The following MACROD2 variants were observed in gnomAD, a reference collection of about 807,000 sequenced individuals.
MACROD2 encodes the protein ADP-ribose glycohydrolase MACROD2.
MACROD2 carries 36 observed loss-of-function variants against 70.4 expected under a neutral mutation model. The ratio of observed to expected loss-of-function variants is 0.51; its 90% confidence interval spans 0.39 to 0.68. The LOEUF is 0.68. MACROD2 is among the 30% of genes least tolerant of loss of function. The pLI is 0.00. For missense variants in MACROD2, 496 were observed against 538.4 expected, an observed-to-expected ratio of 0.92 and a Z score of 0.78; for synonymous variants, 172 against 178.8, an observed-to-expected ratio of 0.96 and a Z score of 0.30.
intron 5 of MACROD2, among the ~76,000 whole-genome samples, chr20:14,817,805 CTGG>C (rs1372400490): frequency 6.6e-6 from 1 of 152,166 alleles, no homozygotes; most frequent in East Asian, 1.9e-4. Context: ...TCTTCAGTCA[CTGG>C]CTGAGTGTCA....
At chr20:14,659,734 T>C (rs1986138678) in intron 4 of MACROD2, among the ~76,000 whole-genome samples, 1 of 152,172 alleles carries the variant, frequency 6.6e-6, no homozygotes, top group Admixed American at 6.5e-5. Flanking sequence ...TTTGGGAGTG[T>C]ACTCATTTTT....
chr20:14,145,219 GT>G, intron 3 of MACROD2, among the ~76,000 whole-genome samples: 1 of 152,060 alleles, frequency 6.6e-6, no homozygotes. Context: ...TTTCACCACA[GT>G]TTTTTTGTAT....
At chr20:14,659,348 A>C (rs1480066376) in intron 4 of MACROD2, among the ~76,000 whole-genome samples, 1 of 152,174 alleles carries the variant, frequency 6.6e-6, no homozygotes, top group Non-Finnish European at 1.5e-5. Flanking sequence ...AAATTCATTA[A>C]TCTCTATTCA....
intron 4 of MACROD2, among the ~76,000 whole-genome samples, chr20:14,511,535 G>T (rs1394084023): frequency 6.6e-6 from 1 of 151,858 alleles, no homozygotes; most frequent in African/African-American, 2.4e-5. Context: ...AAATGGCTTC[G>T]ATGGCTTCAT....
At chr20:14,064,628 CCA>C (rs1404944925) in intron 2 of MACROD2, among the ~76,000 whole-genome samples, 3 of 152,260 alleles carry the variant, frequency 2.0e-5, no homozygotes, top group Non-Finnish European at 4.4e-5. Context: ...ATCTCCATTG[CCA>C]CAGTCTTAGT....
intron 3 of MACROD2, among the ~76,000 whole-genome samples, chr20:14,212,515 C>T (rs2081578987): frequency 6.6e-6 from 1 of 152,120 alleles, no homozygotes; most frequent in South Asian, 2.1e-4. Flanking sequence ...ATTTCGCCTT[C>T]TCTCAGTGCT....
At position 15,966,557 on chromosome 20, in the gene MACROD2, A is replaced by G. The variant is rs529930651; in HGVS notation, c.908-996A>G. ...AGGAGTTCAAGACCAGTTTGGGCAT[A>G]ATTACAAAATCCTGCCTATACAAAA... is the stretch of plus-strand genomic sequence containing the variant. On this transcript the variant is annotated intron_variant, in intron 12 of 17. Coordinates refer to ENST00000684519, the MANE Select transcript of MACROD2 (RefSeq NM_001351661.2). Among the ~76,000 whole-genome samples, 216 of 152,218 alleles carry G rather than the reference A, an allele frequency of 1.4e-3. 1 individual carries two copies. The highest frequency in any genetic ancestry group is 5.0e-3 in the African/African-American group (207 of 41,542).
chr20:15,179,865 G>T (rs2076488331), intron 5 of MACROD2, among the ~76,000 whole-genome samples: 1 of 152,152 alleles, frequency 6.6e-6, no homozygotes, highest in Non-Finnish European at 1.5e-5. Flanking sequence ...ATGTGTTAGG[G>T]ATGCCATGAC....
intron 6 of MACROD2, among the ~76,000 whole-genome samples, chr20:15,332,488 A>G (rs2078003326): frequency 6.6e-6 from 1 of 151,628 alleles, no homozygotes; most frequent in African/African-American, 2.4e-5. Context: ...AATTAATGTG[A>G]TTAATTTATA....
chr20:15,725,298 A>G (rs567153758), intron 8 of MACROD2, among the ~76,000 whole-genome samples: 42 of 152,258 alleles, frequency 2.8e-4, no homozygotes, highest in South Asian at 2.3e-3. Context: ...TAACTCCTGT[A>G]CATATTTTGT....
chr20:16,042,976 G>A (rs2067327582), intron 16 of MACROD2, among the ~76,000 whole-genome samples: 1 of 151,972 alleles, frequency 6.6e-6, no homozygotes, highest in Non-Finnish European at 1.5e-5. Flanking sequence ...TCATGTTTGT[G>A]AAAAAGGAGA....
intron 5 of MACROD2, among the ~76,000 whole-genome samples, chr20:14,859,949 C>A (rs2073296688): frequency 6.6e-6 from 1 of 152,144 alleles, no homozygotes; most frequent in Admixed American, 6.5e-5. Flanking sequence ...GGAGACATGA[C>A]TTGTCCAGTG....
intron 3 of MACROD2, among the ~76,000 whole-genome samples, chr20:14,478,524 TTTATCTTATTTGTC>T (rs1332458661): frequency 6.6e-6 from 1 of 152,176 alleles, no homozygotes; most frequent in Non-Finnish European, 1.5e-5. Context: ...TTTTAAAAAA[TTTATCTTATTTGTC>T]TTATCTTATT....
intron 5 of MACROD2, among the ~76,000 whole-genome samples, chr20:15,111,176 T>A (rs1425710000): frequency 4.6e-5 from 3 of 65,120 alleles, no homozygotes; most frequent in Admixed American, 1.9e-4. Flanking sequence ...TGTTTTTGTT[T>A]GTTTTTTTTT....
At chr20:14,870,656 G>A (rs1042039761) in intron 5 of MACROD2, among the ~76,000 whole-genome samples, 1 of 151,798 alleles carries the variant, frequency 6.6e-6, no homozygotes, top group African/African-American at 2.4e-5. Context: ...GGCATGAGAT[G>A]TATCTTATTG....
chr20:14,658,309 T>C (rs1161681355), intron 4 of MACROD2, among the ~76,000 whole-genome samples: 1 of 152,214 alleles, frequency 6.6e-6, no homozygotes, highest in African/African-American at 2.4e-5. Context: ...TGTGAAGCCC[T>C]TAAAATTGTC....
chr20:14,034,582 G>A (rs1018348789), intron 2 of MACROD2, among the ~76,000 whole-genome samples: 4 of 152,156 alleles, frequency 2.6e-5, no homozygotes, highest in East Asian at 1.9e-4. Flanking sequence ...ATATTTCTCA[G>A]CACCAACACT....
intron 5 of MACROD2, among the ~76,000 whole-genome samples, chr20:14,763,944 A>C (rs1410753607): frequency 6.6e-6 from 1 of 152,108 alleles, no homozygotes; most frequent in Non-Finnish European, 1.5e-5. Flanking sequence ...CAAACCTCAG[A>C]TATATGTATA....
intron 3 of MACROD2, among the ~76,000 whole-genome samples, chr20:14,210,437 G>C (rs1232777412): frequency 1.3e-5 from 2 of 152,170 alleles, no homozygotes; most frequent in Non-Finnish European, 2.9e-5. Flanking sequence ...TTCCTGCTGG[G>C]CAGCAGTGAA....
Sources: gnomAD v4.1 joint callset for allele counts (sites outside exome capture counted in the v4.1 genomes callset) on GRCh38, gnomAD v4.1.1 for gene constraint, MANE v1.5 for transcripts, NCBI Gene and HGNC (gene_info 2026-07-23, HGNC 2026-07-21) for gene names.